Variants in OR2L13 observed in about 807,000 individuals in gnomAD.
OR2L13 encodes the protein olfactory receptor 2L13.
In OR2L13, 14 loss-of-function variants were observed where a neutral mutation model predicts 15.3. The ratio of observed to expected loss-of-function variants is 0.91; its 90% CI spans 0.60 to 1.43. OR2L13 has a LOEUF of 1.43. Ranked by LOEUF, OR2L13 falls within the 40% of genes most tolerant of loss-of-function variation. The pLI is 0.00. For missense variants in OR2L13, 367 were observed against 387.9 expected, an observed-to-expected ratio of 0.95 and a Z score of 0.45; for synonymous variants, 152 against 142.9, an observed-to-expected ratio of 1.06 and a Z score of -0.45.
At chr1:248,010,763 GTTTTTTTTTT>G in the OR2L13 span, among the ~76,000 whole-genome samples, 10 of 44,462 alleles carry the variant, frequency 2.2e-4, no homozygotes, top group South Asian at 1.7e-3. Flanking sequence ...CTTTGTTGTT[GTTTTTTTTTT>G]TTTTTTTTTT....
At chr1:248,004,141 A>C in the OR2L13 span, 1 of 1,266,122 alleles carries the variant, frequency 7.9e-7, no homozygotes, top group Non-Finnish European at 1.1e-6. Context: ...TTAAAATATC[A>C]TTTCATTCCT....
At chr1:247,948,563 C>T in the OR2L13 span, among the ~76,000 whole-genome samples, 2 of 151,984 alleles carry the variant, frequency 1.3e-5, no homozygotes, top group Non-Finnish European at 2.9e-5. Context: ...GAGTACAGTA[C>T]AATAAAAGAT....
At chr1:248,075,218 C>A in the OR2L13 span, among the ~76,000 whole-genome samples, 4 of 152,224 alleles carry the variant, frequency 2.6e-5, no homozygotes, top group South Asian at 8.3e-4. Flanking sequence ...TTTTTTATGG[C>A]TGCATAGTAT....
At chr1:248,100,061 C>T (rs776460394) in exon 3 of OR2L13, 1 of 1,613,946 alleles carries the variant, frequency 6.2e-7, no homozygotes, top group Non-Finnish European at 8.5e-7. Context: ...CATATGCACT[C>T]AAAGGAGGGG....
chr1:248,091,747 A>G (rs567524954), upstream of OR2L13, among the ~76,000 whole-genome samples: 3 of 151,700 alleles, frequency 2.0e-5, no homozygotes, highest in South Asian at 6.3e-4. Context: ...TTGGCTTAGG[A>G]TTGTCTTGGC....
chr1:247,990,353 C>G, the OR2L13 span: 2 of 1,528,106 alleles, frequency 1.3e-6, no homozygotes, highest in South Asian at 1.1e-5. Flanking sequence ...TCTTCATTCT[C>G]ATTAATTTCG....
chr1:247,949,741 A>T, the OR2L13 span: 1 of 1,613,508 alleles, frequency 6.2e-7, no homozygotes, highest in East Asian at 2.2e-5. Context: ...AGGAACAAGG[A>T]GGTGATGGGG....
At chr1:247,958,442 T>C in the OR2L13 span, among the ~76,000 whole-genome samples, 1 of 152,198 alleles carries the variant, frequency 6.6e-6, no homozygotes, top group African/African-American at 2.4e-5. Flanking sequence ...GAGAGTTCCG[T>C]AGATGTCTAT....
the OR2L13 span, among the ~76,000 whole-genome samples, chr1:247,971,270 G>A: frequency 5.3e-5 from 8 of 152,010 alleles, no homozygotes; most frequent in Admixed American, 2.6e-4. Context: ...GCAGAAGAAC[G>A]TAGAGCAGAC....
At chr1:248,007,673 G>A in the OR2L13 span, among the ~76,000 whole-genome samples, 1 of 152,040 alleles carries the variant, frequency 6.6e-6, no homozygotes, top group African/African-American at 2.4e-5. Flanking sequence ...CCATCCAAAT[G>A]TTATGCTGTA....
the OR2L13 span, among the ~76,000 whole-genome samples, chr1:247,944,790 A>G: frequency 6.6e-6 from 1 of 152,064 alleles, no homozygotes; most frequent in Admixed American, 6.6e-5. Flanking sequence ...TACCTTTATA[A>G]TAGAATAATT....
chr1:247,967,906 T>G, the OR2L13 span, among the ~76,000 whole-genome samples: 12 of 150,796 alleles, frequency 8.0e-5, no homozygotes, highest in Non-Finnish European at 1.6e-4. Context: ...CCTCGTCCTC[T>G]TCCTCTTCTT....
the OR2L13 span, among the ~76,000 whole-genome samples, chr1:248,038,011 T>C: frequency 0.037 from 5,561 of 152,288 alleles, 347 homozygotes; most frequent in African/African-American, 0.13. Flanking sequence ...TTCACATAAG[T>C]TTTATTACAG....
chr1:248,060,084 T>C, the OR2L13 span, among the ~76,000 whole-genome samples: 1 of 152,056 alleles, frequency 6.6e-6, no homozygotes, highest in African/African-American at 2.4e-5. Flanking sequence ...TAGATCATCC[T>C]ATAAAGATAA....
At chr1:247,966,072 A>G in the OR2L13 span, 1 of 1,614,158 alleles carries the variant, frequency 6.2e-7, no homozygotes, top group South Asian at 1.1e-5. Flanking sequence ...GCTCAGGAAA[A>G]GGACAGGCAA....
chr1:248,029,111 C>T, the OR2L13 span: 2 of 152,208 alleles, frequency 1.3e-5, no homozygotes, highest in Admixed American at 1.3e-4. Context: ...TGCATCAGTA[C>T]ATCAGATTGG....
chr1:248,011,406 T>C, the OR2L13 span, among the ~76,000 whole-genome samples: 20 of 152,148 alleles, frequency 1.3e-4, no homozygotes, highest in Admixed American at 1.3e-3. Flanking sequence ...TTAACCTTGG[T>C]GAATCTGACA....
At chr1:247,999,968 G>C in the OR2L13 span, among the ~76,000 whole-genome samples, 1 of 152,134 alleles carries the variant, frequency 6.6e-6, no homozygotes, top group Admixed American at 6.6e-5. Flanking sequence ...CTTCAGAAGA[G>C]AGAAAGTAAT....
At chr1:248,039,149 G>A in the OR2L13 span, 3 of 1,613,554 alleles carry the variant, frequency 1.9e-6, no homozygotes, top group East Asian at 6.7e-5. Flanking sequence ...TGAGAAACAA[G>A]GAGGTGATGG....
Sources: allele counts gnomAD v4.1 joint callset (sites outside exome capture counted in the v4.1 genomes callset), GRCh38; gene constraint gnomAD v4.1.1; transcripts MANE v1.5; gene names NCBI Gene and HGNC (gene_info 2026-07-23, HGNC 2026-07-21).